Variants in STRN3 observed in about 807,000 individuals in gnomAD.
STRN3 encodes striatin-3.
Under a neutral mutation model 95.6 loss-of-function variants are expected in STRN3, and 29 were observed. That is an observed-to-expected ratio of 0.30 (90% CI 0.23 to 0.41). The LOEUF (loss-of-function observed/expected upper bound fraction) is 0.41. STRN3 is among the 10% of genes least tolerant of loss of function. The pLI is 1.00. For synonymous variants in STRN3, 331 were observed against 357.6 expected, an observed-to-expected ratio of 0.93 and a Z score of 0.84; for missense variants, 890 against 972.1, an observed-to-expected ratio of 0.92 and a Z score of 1.12.
At chr14:30,929,889 G>T (rs1054058922) in intron 7 of STRN3, among the ~76,000 whole-genome samples, 1 of 126,566 alleles carries the variant, frequency 7.9e-6, no homozygotes, top group Non-Finnish European at 1.6e-5. Flanking sequence ...TCCCACCTCT[G>T]CCCCACCCAC....
intron 1 of STRN3, among the ~76,000 whole-genome samples, chr14:30,998,447 A>C (rs980683803): frequency 1.1e-4 from 16 of 152,232 alleles, no homozygotes; most frequent in Non-Finnish European, 1.9e-4. Flanking sequence ...CTCATGTAGC[A>C]CTGTGCACAT....
chr14:30,916,238 G>A (rs1896735062), intron 9 of STRN3, among the ~76,000 whole-genome samples: 1 of 150,400 alleles, frequency 6.6e-6, no homozygotes, highest in East Asian at 1.9e-4. Context: ...AATGTCATTA[G>A]TAATTCAAAG....
At chr14:30,972,542 T>G (rs895801364) in intron 1 of STRN3, among the ~76,000 whole-genome samples, 2 of 152,158 alleles carry the variant, frequency 1.3e-5, no homozygotes, top group Admixed American at 6.5e-5. Flanking sequence ...TTATTTCTTT[T>G]GCGGCACGGA....
At chr14:30,935,499 T>C (rs1270291333) in intron 6 of STRN3, among the ~76,000 whole-genome samples, 195 bp from the exon 7 acceptor site, 2 of 152,216 alleles carry the variant, frequency 1.3e-5, no homozygotes, top group Admixed American at 6.5e-5. Context: ...AAGATTGATC[T>C]AAGTAATGTG....
chr14:31,025,769 C>T, intron 1 of STRN3, 135 bp downstream of exon 1: 2 of 1,265,806 alleles, frequency 1.6e-6, no homozygotes, highest in Non-Finnish European at 2.1e-6. Flanking sequence ...AGAGGACCAT[C>T]ACAACCTGAG....
At chr14:30,899,301 G>C (rs962407320) in intron 16 of STRN3, among the ~76,000 whole-genome samples, 10 of 152,162 alleles carry the variant, frequency 6.6e-5, no homozygotes, top group African/African-American at 2.4e-4. Context: ...ACTCAAATTT[G>C]TAACTCTACC....
intron 3 of STRN3, among the ~76,000 whole-genome samples, chr14:30,955,264 T>C (rs1437264972): frequency 6.6e-6 from 1 of 152,188 alleles, no homozygotes; most frequent in African/African-American, 2.4e-5. Context: ...ATTTTATGTA[T>C]GGTGTGTGTT....
At chr14:30,917,724 G>A (rs1896777651) in intron 9 of STRN3, among the ~76,000 whole-genome samples, 1 of 151,680 alleles carries the variant, frequency 6.6e-6, no homozygotes, top group Admixed American at 6.6e-5. Flanking sequence ...TTTTTAAGGT[G>A]AGTGAAGTAA....
chr14:30,914,127 AAAG>A (rs1229163829), intron 9 of STRN3, among the ~76,000 whole-genome samples: 1 of 152,206 alleles, frequency 6.6e-6, no homozygotes, highest in East Asian at 1.9e-4. Flanking sequence ...TTTGCTTTCT[AAAG>A]AAGTACTAGG....
rs1230009919 is a variant in STRN3 at position 30,895,743 on chromosome 14, T to C, written c.2143A>G (p.Met715Val). The C allele has an allele frequency of 6.2e-7, 1 of 1,611,702 alleles. No homozygotes were observed. Among genetic ancestry groups the C allele is most frequent in the Admixed American group, 1.7e-5 (1 of 59,470 alleles). ...AAGTGAGCTACCATAGAATGGATCA[T>C]TTTACCTAAACAAAACATAACAGAG... is the stretch of plus-strand genomic sequence containing the variant. Reference protein sequence around the residue: ...IKFFDNKTGKMIHSMVAHLDA... With the variant: ...IKFFDNKTGKVIHSMVAHLDA... Residue 715 changes from methionine to valine, a missense_variant, in exon 17 of 18, where the codon ATG (methionine) becomes GTG (valine). This residue lies in a region of STRN3 where 357 missense variants were observed against 422.8 expected (regional missense o/e 0.84). Coordinates refer to ENST00000357479, the MANE Select transcript of STRN3 (RefSeq NM_001083893.2).
At chr14:30,977,665 C>T (rs1361561172) in intron 1 of STRN3, among the ~76,000 whole-genome samples, 2 of 150,068 alleles carry the variant, frequency 1.3e-5, no homozygotes, top group Non-Finnish European at 3.0e-5. Flanking sequence ...TGGTGGTGGG[C>T]GCCTGTAATC....
chr14:30,926,550 A>G (rs921779670), intron 8 of STRN3, among the ~76,000 whole-genome samples: 1 of 151,752 alleles, frequency 6.6e-6, no homozygotes, highest in African/African-American at 2.4e-5. Flanking sequence ...ACTTCTTATA[A>G]TACTTCTTAT....
chr14:30,924,287 C>CTTTTTTTTTTTT (rs71112354), intron 8 of STRN3, among the ~76,000 whole-genome samples: 1,888 of 77,208 alleles, frequency 0.024, 423 homozygotes, highest in Middle Eastern at 0.068. Flanking sequence ...TGCCTTAAAT[C>CTTTTTTTTTTTT]TTTTTTTTTT....
At chr14:30,954,256 A>G (rs951687179) in intron 3 of STRN3, among the ~76,000 whole-genome samples, 1 of 152,290 alleles carries the variant, frequency 6.6e-6, no homozygotes, top group Non-Finnish European at 1.5e-5. Flanking sequence ...CCAAATGTAG[A>G]AGAAAGGGAA....
At chr14:30,975,474 C>T (rs1403699729) in intron 1 of STRN3, among the ~76,000 whole-genome samples, 1 of 146,702 alleles carries the variant, frequency 6.8e-6, no homozygotes, top group Non-Finnish European at 1.5e-5. Context: ...ATGACAGGTG[C>T]GTCAAAATCT....
At chr14:30,982,286 G>A (rs1260513773) in intron 1 of STRN3, among the ~76,000 whole-genome samples, 8 of 152,144 alleles carry the variant, frequency 5.3e-5, no homozygotes, top group Admixed American at 2.6e-4. Flanking sequence ...GCAACAGGTG[G>A]TTTAAAGCAT....
intron 1 of STRN3, among the ~76,000 whole-genome samples, chr14:30,968,386 A>T (rs1417584455): frequency 8.6e-4 from 7 of 8,158 alleles, no homozygotes; most frequent in Non-Finnish European, 7.9e-3. Context: ...AACTGGTTTA[A>T]AAAAAAAAAA....
chr14:30,915,991 CAT>C (rs1896728713), intron 9 of STRN3, among the ~76,000 whole-genome samples: 2 of 152,158 alleles, frequency 1.3e-5, no homozygotes, highest in African/African-American at 2.4e-5. Context: ...TATATACACA[CAT>C]ATATTTTATG....
intron 1 of STRN3, among the ~76,000 whole-genome samples, chr14:31,000,267 CT>C (rs989105175): frequency 1.3e-5 from 2 of 151,392 alleles, no homozygotes; most frequent in Admixed American, 1.3e-4. Context: ...GGGGGGGAGT[CT>C]TTTTTTCTTC....
Sources: allele counts gnomAD v4.1 joint callset (sites outside exome capture counted in the v4.1 genomes callset), GRCh38; gene constraint gnomAD v4.1.1; regional missense constraint gnomAD v4.1.1; transcripts MANE v1.5; gene names NCBI Gene and HGNC (gene_info 2026-07-23, HGNC 2026-07-21).